The following HSF2BP variants were observed in gnomAD, a reference collection of about 807,000 sequenced individuals.
The protein encoded by HSF2BP is heat shock factor 2-binding protein.
In HSF2BP, 35 loss-of-function variants were observed where a neutral mutation model predicts 35.0. That is an observed-to-expected ratio of 1.00 (90% CI 0.76 to 1.32). HSF2BP has a LOEUF of 1.32. Among genes scored for constraint, HSF2BP ranks in the 40% most tolerant of loss-of-function variants. The pLI, the probability that HSF2BP is intolerant of heterozygous loss-of-function variation, is 0.00. For missense variants in HSF2BP, 326 were observed against 321.7 expected, an observed-to-expected ratio of 1.01 and a Z score of -0.10; for synonymous variants, 114 against 117.4, an observed-to-expected ratio of 0.97 and a Z score of 0.18.
Position 43,658,286 on chromosome 21 carries a change from C to T in HSF2BP, c.-190G>A. 1 of 622,188 alleles carries T rather than the reference C, an allele frequency of 1.6e-6. No homozygotes were observed. Among genetic ancestry groups the T allele is most frequent in the Non-Finnish European group, 2.7e-6 (1 of 372,492 alleles). The allele number at this position is 622,188 out of a possible 1,614,324, so 38.5% of individuals were successfully genotyped here. ...TGGCCTTGGCGAGGTCCCTCTTTGG[C>T]TCTTCTGGCTTAGCCGGGGTTTTAA... is the stretch of plus-strand genomic sequence containing the variant. On this transcript the variant is annotated 5_prime_UTR_variant, in exon 2 of 9. Transcript: ENST00000291560.
At chr21:43,652,064 C>T (rs1041915546) in intron 3 of HSF2BP, among the ~76,000 whole-genome samples, 7 of 152,204 alleles carry the variant, frequency 4.6e-5, no homozygotes, top group African/African-American at 1.7e-4. Flanking sequence ...AGGTCTACTC[C>T]TTCCCTGCCT....
intron 8 of HSF2BP, among the ~76,000 whole-genome samples, chr21:43,581,585 T>C (rs1177912701): frequency 6.6e-6 from 1 of 152,018 alleles, no homozygotes; most frequent in Admixed American, 6.5e-5. Context: ...ATAAATTTTC[T>C]CCAGGTGGCC....
At chr21:43,603,039 A>T (rs1258225241) in intron 7 of HSF2BP, among the ~76,000 whole-genome samples, 1 of 152,218 alleles carries the variant, frequency 6.6e-6, no homozygotes, top group Non-Finnish European at 1.5e-5. Flanking sequence ...TGAGGAAAAA[A>T]AATAACCCGG....
chr21:43,630,583 A>C (rs2082443133), intron 5 of HSF2BP, 129 bp from the exon 6 acceptor site: 1 of 1,208,204 alleles, frequency 8.3e-7, no homozygotes, highest in Non-Finnish European at 1.1e-6. Context: ...CCTCATTAAA[A>C]GTTCCCATTA....
At chr21:43,600,286 C>G (rs186127117) in intron 7 of HSF2BP, among the ~76,000 whole-genome samples, 1 of 152,122 alleles carries the variant, frequency 6.6e-6, no homozygotes, top group Admixed American at 6.5e-5. Context: ...AGAATAAACA[C>G]GCCCAGTACT....
intron 8 of HSF2BP, among the ~76,000 whole-genome samples, chr21:43,582,355 T>G (rs571047240): frequency 2.2e-4 from 27 of 120,304 alleles, no homozygotes; most frequent in African/African-American, 9.2e-4. Context: ...CTGAGGGAGA[T>G]GAAGACCTGC....
chr21:43,588,469 T>C (rs1390413311), intron 8 of HSF2BP, among the ~76,000 whole-genome samples: 2 of 151,784 alleles, frequency 1.3e-5, no homozygotes, highest in African/African-American at 4.8e-5. Flanking sequence ...TGTAGCGTTG[T>C]TGGGAAACAG....
chr21:43,467,625 G>A, the HSF2BP span, among the ~76,000 whole-genome samples: 1 of 151,368 alleles, frequency 6.6e-6, no homozygotes, highest in Non-Finnish European at 1.5e-5. Context: ...GAGAGTAAAT[G>A]CACAGGGGCC....
chr21:43,613,845 C>T lies in HSF2BP; in HGVS notation c.677G>A (p.Cys226Tyr), dbSNP rs1314295269. 1 of 1,611,764 alleles carries T rather than the reference C, an allele frequency of 6.2e-7. No homozygotes were observed. Among genetic ancestry groups the T allele is most frequent in the Non-Finnish European group, 8.5e-7 (1 of 1,177,884 alleles). Residue 226 changes from cysteine to tyrosine, a missense_variant, in exon 7 of 9, where the codon TGT becomes TAT. Cys to Tyr is a radical substitution (Grantham distance 194). Transcript: ENST00000291560. ...TCCACCATACACTTTGAGTTTGGTA[C>T]ACTGTCCTGGCTTCAAGTCTCCCAG... ...QLLGDLKPGQCTKLKVLMLMS... is the reference protein window; with the variant it reads ...QLLGDLKPGQYTKLKVLMLMS...
At chr21:43,649,402 C>T (rs975750092) in intron 3 of HSF2BP, among the ~76,000 whole-genome samples, 3 of 151,778 alleles carry the variant, frequency 2.0e-5, no homozygotes, top group East Asian at 1.9e-4. Context: ...CACTGTACTC[C>T]AGCCTGGGTG....
chr21:43,646,994 G>C (rs2147094297), intron 3 of HSF2BP, among the ~76,000 whole-genome samples: 1 of 152,264 alleles, frequency 6.6e-6, no homozygotes, highest in Admixed American at 6.5e-5. Flanking sequence ...TGTCTATATG[G>C]AATATAGTAG....
intron 7 of HSF2BP, among the ~76,000 whole-genome samples, chr21:43,603,353 G>C (rs2838328): frequency 0.61 from 92,810 of 152,020 alleles, 28,653 homozygotes; most frequent in East Asian, 0.79. Flanking sequence ...ACCAGTGGCC[G>C]GAGGGGAAGG....
chr21:43,590,354 G>T (rs1241268653), intron 8 of HSF2BP, among the ~76,000 whole-genome samples: 1 of 152,204 alleles, frequency 6.6e-6, no homozygotes, highest in Non-Finnish European at 1.5e-5. Context: ...TAAAGAGAAT[G>T]ACCATACACT....
chr21:43,496,247 C>A, the HSF2BP span, among the ~76,000 whole-genome samples: 1 of 92,854 alleles, frequency 1.1e-5, no homozygotes, highest in Non-Finnish European at 2.3e-5. Context: ...CATTTCTATA[C>A]GCTAACAAAT....
chr21:43,648,529 C>T (rs776353527), intron 3 of HSF2BP, among the ~76,000 whole-genome samples: 1 of 152,250 alleles, frequency 6.6e-6, no homozygotes, highest in Non-Finnish European at 1.5e-5. Flanking sequence ...TCCCCCAACC[C>T]TGATCACACT....
chr21:43,580,026 T>C (rs984814223), intron 8 of HSF2BP, among the ~76,000 whole-genome samples: 10 of 152,206 alleles, frequency 6.6e-5, no homozygotes, highest in Non-Finnish European at 7.3e-5. Flanking sequence ...ACCTGTCTCC[T>C]AGCTCAGGGC....
intron 7 of HSF2BP, among the ~76,000 whole-genome samples, chr21:43,602,759 G>A (rs1425158762): frequency 6.6e-6 from 1 of 152,138 alleles, no homozygotes; most frequent in Non-Finnish European, 1.5e-5. Context: ...AAAAGCAGAG[G>A]TGTTCTCATC....
At chr21:43,606,589 G>A (rs2082138173) in intron 7 of HSF2BP, among the ~76,000 whole-genome samples, 2 of 152,190 alleles carry the variant, frequency 1.3e-5, no homozygotes, top group South Asian at 4.1e-4. Context: ...GCCCAAGGCA[G>A]ACTACTGCCA....
intron 3 of HSF2BP, among the ~76,000 whole-genome samples, chr21:43,653,130 G>A (rs912050751): frequency 2.0e-5 from 3 of 150,772 alleles, no homozygotes; most frequent in African/African-American, 7.3e-5. Context: ...GCAACAGAGT[G>A]AGACTCGGAA....
Sources: allele counts gnomAD v4.1 joint callset (sites outside exome capture counted in the v4.1 genomes callset), GRCh38; gene constraint gnomAD v4.1.1; transcripts MANE v1.5; gene names NCBI Gene and HGNC (gene_info 2026-07-23, HGNC 2026-07-21).